SND1: variants seen among roughly 807,000 people sequenced by gnomAD.
SND1 encodes staphylococcal nuclease and tudor domain containing 1.
In SND1, 38 loss-of-function variants were observed where a neutral mutation model predicts 121.7. That is an observed-to-expected ratio of 0.31 (90% CI 0.24 to 0.41). The LOEUF (loss-of-function observed/expected upper bound fraction) is 0.41. Ranked by LOEUF, SND1 falls within the 10% of genes least tolerant of loss-of-function variation. The pLI is 1.00. For missense variants in SND1, 868 were observed against 1,184.6 expected, an observed-to-expected ratio of 0.73 and a Z score of 3.92; for synonymous variants, 401 against 447.4, an observed-to-expected ratio of 0.90 and a Z score of 1.31.
intron 13 of SND1, among the ~76,000 whole-genome samples, chr7:127,889,495 AT>A (rs1211543379): frequency 2.6e-5 from 4 of 152,014 alleles, no homozygotes; most frequent in African/African-American, 9.7e-5. Context: ...CCTCTCAAGT[AT>A]TTATCCTTCA....
chr7:127,745,291 G>T (rs1169958228), intron 10 of SND1, among the ~76,000 whole-genome samples: 2 of 152,146 alleles, frequency 1.3e-5, no homozygotes, highest in South Asian at 2.1e-4. Context: ...ACTGTAGGCA[G>T]TTGTAACACA....
At chr7:128,074,448 C>T in intron 16 of SND1, 54 bp from the exon 17 acceptor site, 2 of 1,548,204 alleles carry the variant, frequency 1.3e-6, no homozygotes, top group Non-Finnish European at 1.8e-6. Flanking sequence ...CGGGCACAGC[C>T]CCTGCACACT....
At chr7:127,929,418 C>G (rs1364737198) in intron 15 of SND1, 89 bp downstream of exon 15, 1 of 1,284,706 alleles carries the variant, frequency 7.8e-7, no homozygotes, top group Non-Finnish European at 1.1e-6. Flanking sequence ...TCTAGATAGG[C>G]CCTAGAGCCC....
chr7:127,702,584 G>A, intron 6 of SND1, 58 bp downstream of exon 6: 2 of 1,374,036 alleles, frequency 1.5e-6, no homozygotes, highest in Non-Finnish European at 2.1e-6. Flanking sequence ...TTCAGTGATG[G>A]ATTCTTCTAC....
At chr7:127,759,976 C>T (rs1203638679) in intron 10 of SND1, among the ~76,000 whole-genome samples, 2 of 152,158 alleles carry the variant, frequency 1.3e-5, no homozygotes, top group Non-Finnish European at 2.9e-5. Context: ...GACCTTCCTT[C>T]TCTCCCCAGG....
rs111346118 is a variant in SND1 at position 128,081,640 on chromosome 7, C to T, written c.2110+139C>T. The T allele has an allele frequency of 4.0e-5, 37 of 927,006 alleles. 1 individual carries two copies. Among genetic ancestry groups the T allele is most frequent in the African/African-American group, 3.1e-4 (19 of 60,888 alleles). The allele number at this position is 927,006 out of a possible 1,614,324, so 57.4% of individuals were successfully genotyped here. A position where few individuals can be genotyped will look rare whatever the true frequency, so the allele number is the denominator to read the frequency against. On this transcript the variant is annotated intron_variant, in intron 18 of 23. Coordinates refer to ENST00000354725, the MANE Select transcript of SND1 (RefSeq NM_014390.4). The stretch of plus-strand genomic sequence containing the variant: ...GCCTCCCCTGAAGAGCTCACGTTGC[C>T]GCCCCTGTCTCCCTGCCTTGTCCCA...
chr7:127,870,297 T>G (rs1799559277), intron 12 of SND1, among the ~76,000 whole-genome samples: 1 of 152,212 alleles, frequency 6.6e-6, no homozygotes, highest in Non-Finnish European at 1.5e-5. Context: ...AAACAGCTCA[T>G]AGTGGTTTTA....
chr7:127,991,398 C>T lies in SND1; in HGVS notation c.1779+342C>T, dbSNP rs78173176. Among the ~76,000 whole-genome samples the T allele has an allele frequency of 4.1e-3, 622 of 152,202 alleles. 7 individuals carry two copies. The highest frequency in any genetic ancestry group is 0.014 in the African/African-American group (597 of 41,448). ...GCTGGATTTAGAAGCTTGACTAACC[C>T]TGTCAGGGGCCAATTTTCTTTGAAC... On this transcript the variant is annotated intron_variant, in intron 16 of 23. Coordinates refer to ENST00000354725, the MANE Select transcript of SND1 (RefSeq NM_014390.4).
chr7:128,040,831 C>T (rs943889077), intron 16 of SND1, among the ~76,000 whole-genome samples: 11 of 152,228 alleles, frequency 7.2e-5, no homozygotes, highest in Non-Finnish European at 1.0e-4. Flanking sequence ...CTTTCTTGAT[C>T]TGTTGTTCAT....
intron 1 of SND1, among the ~76,000 whole-genome samples, chr7:127,678,262 C>A (rs529757666): frequency 2.1e-4 from 32 of 152,268 alleles, no homozygotes; most frequent in Admixed American, 1.6e-3. Context: ...ACCTCTCTTG[C>A]TCTCAGATTT....
In SND1 at chr7:128,052,326, G is replaced by A. The variant is rs559949545; in HGVS notation, c.1780-22176G>A. On this transcript the variant is annotated intron_variant, in intron 16 of 23. Coordinates refer to ENST00000354725, the MANE Select transcript of SND1 (RefSeq NM_014390.4). This position sits in a 1 kb window ranked among gnomAD's most constrained non-coding sequence, Gnocchi z 4.6. ...CTTTAGCCTAATGCCCATCTCAGCT[G>A]TCTGGACAAGCTCCCATTCTGGCAG... is the stretch of plus-strand genomic sequence containing the variant. 2.0e-4 allele frequency among the ~76,000 whole-genome samples: 30 copies of A among 152,286 alleles called. No homozygotes were observed. The highest frequency in any genetic ancestry group is 3.8e-4 in the Non-Finnish European group (26 of 68,004).
At chr7:128,023,578 G>T (rs1342865076) in intron 16 of SND1, among the ~76,000 whole-genome samples, 4 of 152,284 alleles carry the variant, frequency 2.6e-5, no homozygotes, top group Middle Eastern at 6.8e-3. Flanking sequence ...CTGGTGTAGG[G>T]ATCAGAGCAC....
At chr7:127,886,290 A>C (rs1318609760) in intron 12 of SND1, among the ~76,000 whole-genome samples, 1 of 151,126 alleles carries the variant, frequency 6.6e-6, no homozygotes, top group Admixed American at 6.6e-5. Context: ...CTACCAACAC[A>C]TTTATTTTTT....
intron 1 of SND1, among the ~76,000 whole-genome samples, chr7:127,657,440 C>T (rs1482808331): frequency 1.3e-5 from 2 of 152,100 alleles, no homozygotes; most frequent in Non-Finnish European, 1.5e-5. Flanking sequence ...CGTTCCTGGC[C>T]GAGGAAACAG....
chr7:127,656,361 C>A (rs1215847202), intron 1 of SND1, among the ~76,000 whole-genome samples: 1 of 145,316 alleles, frequency 6.9e-6, no homozygotes, highest in Admixed American at 7.0e-5. Context: ...CTCGCTTTGT[C>A]GCCCAGGCTG....
intron 10 of SND1, among the ~76,000 whole-genome samples, chr7:127,777,513 T>C (rs1378856034): frequency 6.6e-6 from 1 of 152,140 alleles, no homozygotes; most frequent in Non-Finnish European, 1.5e-5. Flanking sequence ...TTGTCCATAT[T>C]TGGGGATGGA....
intron 16 of SND1, among the ~76,000 whole-genome samples, chr7:128,063,437 G>A (rs116515373): frequency 7.9e-4 from 120 of 152,288 alleles, no homozygotes; most frequent in African/African-American, 2.7e-3. Context: ...AAGCATGCTT[G>A]TCGTGGCAGG....
At chr7:127,929,489 C>T (rs1800917050) in intron 15 of SND1, among the ~76,000 whole-genome samples, 160 bp downstream of exon 15, 1 of 152,166 alleles carries the variant, frequency 6.6e-6, no homozygotes, top group South Asian at 2.1e-4. Context: ...TTGGATCCTC[C>T]TGTGCCTGCA....
intron 13 of SND1, among the ~76,000 whole-genome samples, chr7:127,889,946 T>C (rs1297043398): frequency 6.6e-6 from 1 of 152,146 alleles, no homozygotes; most frequent in Non-Finnish European, 1.5e-5. Context: ...CTTAGGTTAC[T>C]TCCAAGTTTT....
Sources: allele counts gnomAD v4.1 joint callset (sites outside exome capture counted in the v4.1 genomes callset), GRCh38; gene constraint gnomAD v4.1.1; non-coding constraint Gnocchi (gnomAD v3.1); transcripts MANE v1.5; gene names NCBI Gene and HGNC (gene_info 2026-07-23, HGNC 2026-07-21).